Variants in GBE1 observed in about 807,000 individuals in gnomAD.
The protein encoded by GBE1 is 1,4-alpha-glucan branching enzyme 1.
A neutral mutation model predicts 88.8 loss-of-function variants in GBE1; 70 were observed. The observed-to-expected ratio is 0.79, with a 90% CI of 0.65 to 0.96. The LOEUF (loss-of-function observed/expected upper bound fraction) is 0.96, where lower values mean the gene tolerates loss of function less well. GBE1 is among the 40% of genes least tolerant of loss of function. The probability of loss-of-function intolerance (pLI) is 0.00; values close to 1 mark genes in which losing one functional copy is unlikely to be tolerated. For synonymous variants in GBE1, 284 were observed against 300.1 expected, an observed-to-expected ratio of 0.95 and a Z score of 0.56; for missense variants, 872 against 871.0, an observed-to-expected ratio of 1.00 and a Z score of -0.01.
intron 1 of GBE1, among the ~76,000 whole-genome samples, chr3:81,755,499 T>G (rs146435886): frequency 6.6e-6 from 1 of 152,222 alleles, no homozygotes; most frequent in South Asian, 2.1e-4. Context: ...AAAATCAGTA[T>G]GTTGAAAAGA....
At chr3:81,720,503 C>G (rs1025069252) in intron 1 of GBE1, among the ~76,000 whole-genome samples, 1 of 152,024 alleles carries the variant, frequency 6.6e-6, no homozygotes, top group Non-Finnish European at 1.5e-5. Context: ...GTGCATGTCT[C>G]AATTTATTAC....
intron 12 of GBE1, among the ~76,000 whole-genome samples, chr3:81,572,148 C>T (rs1703585181): frequency 6.6e-6 from 1 of 152,154 alleles, no homozygotes; most frequent in African/African-American, 2.4e-5. Flanking sequence ...ATTTCTCCTT[C>T]CTGCAGCCTT....
At chr3:81,535,431 G>A (rs1703062220) in intron 13 of GBE1, 106 bp from the exon 14 acceptor site, 1 of 1,045,186 alleles carries the variant, frequency 9.6e-7, no homozygotes, top group Non-Finnish European at 1.3e-6. Context: ...CCAAAAATGA[G>A]TATTTCAGAA....
intron 3 of GBE1, 36 bp downstream of exon 3, chr3:81,670,802 G>C (rs989318903): frequency 8.9e-7 from 1 of 1,123,474 alleles, no homozygotes; most frequent in African/African-American, 1.7e-5. Flanking sequence ...AAAAGAAAAT[G>C]ATAAGTTCAA....
chr3:81,625,842 A>C (rs1012363262), intron 7 of GBE1, among the ~76,000 whole-genome samples: 1 of 152,180 alleles, frequency 6.6e-6, no homozygotes, highest in Non-Finnish European at 1.5e-5. Context: ...GAGAAAAGGA[A>C]AGGTAATGAG....
intron 7 of GBE1, among the ~76,000 whole-genome samples, chr3:81,628,783 A>ATATG (rs1553687073): frequency 1.4e-4 from 19 of 131,144 alleles, no homozygotes; most frequent in African/African-American, 4.7e-4. Context: ...ATATATATAT[A>ATATG]GCAACAGAGT....
chr3:81,634,841 G>A (rs942304621), intron 7 of GBE1, among the ~76,000 whole-genome samples: 1 of 152,158 alleles, frequency 6.6e-6, no homozygotes, highest in Non-Finnish European at 1.5e-5. Context: ...TGGCAGGGAA[G>A]CATGGTAGGG....
chr3:81,624,161 G>A (rs1241631598), intron 7 of GBE1, among the ~76,000 whole-genome samples: 2 of 152,112 alleles, frequency 1.3e-5, no homozygotes, highest in African/African-American at 4.8e-5. Flanking sequence ...TTCACAAGGT[G>A]GCAGGAAAGA....
intron 2 of GBE1, among the ~76,000 whole-genome samples, chr3:81,698,390 A>G (rs973220149): frequency 3.3e-5 from 5 of 152,146 alleles, no homozygotes; most frequent in African/African-American, 1.2e-4. Flanking sequence ...TCTGTCTTAT[A>G]TGAACATACA....
intron 14 of GBE1, among the ~76,000 whole-genome samples, chr3:81,517,207 C>G (rs1456369112): frequency 6.6e-6 from 1 of 151,368 alleles, no homozygotes; most frequent in Non-Finnish European, 1.5e-5. Flanking sequence ...GAAACCCCAC[C>G]CTGATCAGTC....
rs370326965 is a variant in GBE1 at position 81,761,473 on chromosome 3, C to T, written c.45G>A (p.Glu15=). ...MTPAARPEDY[E]AALNAALADV... ...CAGCCAGGGCGGCATTGAGCGCCGC[C>T]TCGTAGTCCTCGGGCCGAGCCGCGG... The change falls in exon 1 of 16, where the codon GAG becomes GAA. Residue 15 remains glutamate (E), a synonymous_variant. Coordinates refer to ENST00000429644, the MANE Select transcript of GBE1 (RefSeq NM_000158.4). 158 of 1,613,058 alleles carry T rather than the reference C, an allele frequency of 9.8e-5. No individual in the cohort carries two copies. Among genetic ancestry groups the T allele is most frequent in the African/African-American group, 5.5e-4 (41 of 75,042 alleles).
At chr3:81,736,664 C>A (rs1446047507) in intron 1 of GBE1, among the ~76,000 whole-genome samples, 1 of 152,098 alleles carries the variant, frequency 6.6e-6, no homozygotes, top group Non-Finnish European at 1.5e-5. Flanking sequence ...AGAATAGTAT[C>A]CCTTTGGCTA....
chr3:81,526,719 A>G (rs1426527240), intron 14 of GBE1, among the ~76,000 whole-genome samples: 4 of 152,174 alleles, frequency 2.6e-5, no homozygotes, highest in Non-Finnish European at 5.9e-5. Context: ...GAAATAAAAG[A>G]GGATACAAAC....
chr3:81,729,980 A>C (rs1046570975), intron 1 of GBE1, among the ~76,000 whole-genome samples: 3 of 152,126 alleles, frequency 2.0e-5, no homozygotes, highest in Non-Finnish European at 4.4e-5. Flanking sequence ...AAGGAAGGGG[A>C]ATATTTGTGT....
At chr3:81,628,160 T>C (rs367834373) in intron 7 of GBE1, among the ~76,000 whole-genome samples, 27 of 152,220 alleles carry the variant, frequency 1.8e-4, no homozygotes, top group South Asian at 8.3e-4. Context: ...CCCTTATATG[T>C]GTCTTCAACT....
At chr3:81,538,287 G>T (rs1000512601) in intron 12 of GBE1, among the ~76,000 whole-genome samples, 2 of 151,938 alleles carry the variant, frequency 1.3e-5, no homozygotes, top group Non-Finnish European at 2.9e-5. Flanking sequence ...ATAATTTACT[G>T]CAGAGGTGCT....
chr3:81,569,977 C>T (rs912503921), intron 12 of GBE1, among the ~76,000 whole-genome samples: 1 of 151,988 alleles, frequency 6.6e-6, no homozygotes, highest in Non-Finnish European at 1.5e-5. Context: ...CTACACCTGG[C>T]TAATTTTCTG....
intron 3 of GBE1, among the ~76,000 whole-genome samples, chr3:81,670,021 T>C (rs976846400): frequency 1.3e-5 from 2 of 152,186 alleles, no homozygotes; most frequent in Admixed American, 1.3e-4. Flanking sequence ...GGATTTATCA[T>C]GGTAAATGTC....
intron 14 of GBE1, among the ~76,000 whole-genome samples, chr3:81,530,874 G>A (rs931340556): frequency 6.6e-6 from 1 of 151,850 alleles, no homozygotes; most frequent in Middle Eastern, 3.2e-3. Flanking sequence ...AGCAAGTGGT[G>A]CATCCTGCCA....
Sources: allele counts gnomAD v4.1 joint callset (sites outside exome capture counted in the v4.1 genomes callset), GRCh38; gene constraint gnomAD v4.1.1; transcripts MANE v1.5; gene names NCBI Gene and HGNC (gene_info 2026-07-23, HGNC 2026-07-21).